RAD50: variants seen among roughly 807,000 people sequenced by gnomAD.
RAD50 encodes the protein RAD50 double strand break repair protein.
RAD50 carries 132 observed loss-of-function variants against 168.8 expected under a neutral mutation model. The ratio of observed to expected loss-of-function variants is 0.78; its 90% confidence interval spans 0.68 to 0.90. RAD50 has a LOEUF of 0.90. RAD50 is among the 40% of genes least tolerant of loss of function. RAD50 has a pLI of 0.00. For missense variants in RAD50, 1,347 were observed against 1,534.4 expected, an observed-to-expected ratio of 0.88 and a Z score of 2.04; for synonymous variants, 525 against 497.4, an observed-to-expected ratio of 1.06 and a Z score of -0.74.
In RAD50 at chr5:132,643,970, AAAT is replaced by A. The variant is rs760431973; in HGVS notation, c.*1611_*1613del. The A allele has an allele frequency of 1.8e-4, 41 of 227,784 alleles. No homozygotes were observed. The highest frequency in any genetic ancestry group is 1.7e-3 in the East Asian group (27 of 15,826). 14.1% of individuals were successfully genotyped at this position (227,784 alleles called of 1,614,324 possible). A position where few individuals can be genotyped will look rare whatever the true frequency, so the allele number is the denominator to read the frequency against. On this transcript the variant is annotated 3_prime_UTR_variant, in exon 25 of 25. Transcript: ENST00000378823. Reference sequence around the variant, plus strand: ...AGCTTTAGCAAACTCACAGTTTTGCAAATAATATTTTCTTAATGTTATCTGTTG... The same window carrying A: ...AGCTTTAGCAAACTCACAGTTTTGCAAATATTTTCTTAATGTTATCTGTTG...
At chr5:132,631,105 CGA>C (rs1450573387) in intron 21 of RAD50, among the ~76,000 whole-genome samples, 1 of 149,832 alleles carries the variant, frequency 6.7e-6, no homozygotes, top group Non-Finnish European at 1.5e-5. Context: ...TTCTGAGCTC[CGA>C]GAGAGTCTCA....
Position 132,642,939 on chromosome 5 carries a change from A to T in RAD50, c.*575A>T. On this transcript the variant is annotated 3_prime_UTR_variant, in exon 25 of 25. Coordinates refer to ENST00000378823, the MANE Select transcript of RAD50 (RefSeq NM_005732.4). ...TAGTTGAATGGGGTCTCAAAGTTTG[A>T]CAGGAACCTTAAGTAATCATCTAAG... 2.1e-6 allele frequency: 1 copy of T among 473,738 alleles called. No homozygotes were observed. 29.3% of individuals were successfully genotyped at this position (473,738 alleles called of 1,614,324 possible). A position where few individuals can be genotyped will look rare whatever the true frequency, so the allele number is the denominator to read the frequency against.
chr5:132,600,573 G>C (rs774931838), intron 13 of RAD50, among the ~76,000 whole-genome samples: 1 of 152,088 alleles, frequency 6.6e-6, no homozygotes, highest in African/African-American at 2.4e-5. Context: ...CATCATGACT[G>C]AGATCTCAGC....
intron 12 of RAD50, 122 bp downstream of exon 12, chr5:132,595,166 T>A (rs1022355516): frequency 1.9e-6 from 2 of 1,064,592 alleles, no homozygotes; most frequent in Non-Finnish European, 1.4e-6. Context: ...TGGATTTCAG[T>A]CCTGGCTCTA....
chr5:132,607,783 T>C (rs1751011620), intron 16 of RAD50, among the ~76,000 whole-genome samples: 1 of 152,186 alleles, frequency 6.6e-6, no homozygotes, highest in African/African-American at 2.4e-5. Flanking sequence ...CTTTTGACAC[T>C]GAGGGCATTT....
Position 132,557,250 on chromosome 5 carries a change from T to C in RAD50, c.-75T>C. On this transcript the variant is annotated 5_prime_UTR_variant, in exon 1 of 25. Transcript: ENST00000378823. Reference sequence around the variant, plus strand: ...TGAGATTCGCGGGTCTCACGTCCCGTGCACGCCTTGCTTCGGCCTCAGTTA... The same window carrying C: ...TGAGATTCGCGGGTCTCACGTCCCGCGCACGCCTTGCTTCGGCCTCAGTTA... 1.3e-6 allele frequency: 2 copies of C among 1,571,550 alleles called. No individual in the cohort carries two copies. Among genetic ancestry groups the C allele is most frequent in the Non-Finnish European group, 1.8e-6 (2 of 1,141,464 alleles).
intron 5 of RAD50, among the ~76,000 whole-genome samples, 175 bp from the exon 6 acceptor site, chr5:132,587,387 G>A (rs906945556): frequency 6.6e-6 from 1 of 152,182 alleles, no homozygotes; most frequent in African/African-American, 2.4e-5. Flanking sequence ...CTTGGGCCAA[G>A]TTACTTAATG....
chr5:132,566,411 C>G (rs575218085), intron 2 of RAD50, among the ~76,000 whole-genome samples: 15 of 152,340 alleles, frequency 9.8e-5, no homozygotes, highest in South Asian at 8.3e-4. Context: ...GCAGAATGCT[C>G]TCCTTATGAT....
At chr5:132,628,034 T>A (rs1473243518) in intron 21 of RAD50, among the ~76,000 whole-genome samples, 4 of 152,122 alleles carry the variant, frequency 2.6e-5, no homozygotes, top group Non-Finnish European at 5.9e-5. Context: ...AACAACAGGA[T>A]ATTGGGAGAA....
At chr5:132,605,836 C>G (rs1477401344) in intron 16 of RAD50, among the ~76,000 whole-genome samples, 3 of 152,070 alleles carry the variant, frequency 2.0e-5, no homozygotes, top group African/African-American at 7.2e-5. Flanking sequence ...CACTCAAAAC[C>G]GCACAACTAC....
intron 13 of RAD50, among the ~76,000 whole-genome samples, chr5:132,601,789 A>G (rs146552912): frequency 6.9e-4 from 105 of 152,314 alleles, no homozygotes; most frequent in African/African-American, 2.4e-3. Context: ...TGGAGTAACT[A>G]TGCAGCCATA....
Position 132,604,056 on chromosome 5 carries a change from T to G in RAD50, c.2524+10T>G. 6.2e-7 allele frequency: 1 copy of G among 1,612,892 alleles called. No individual in the cohort carries two copies. Among genetic ancestry groups the G allele is most frequent in the Non-Finnish European group, 8.5e-7 (1 of 1,179,188 alleles). ...CACAAGTTAGACACAGGTAATACAG[T>G]CTGTGTCCTTCTGTACTCATAGAGA... On this transcript the variant is annotated intron_variant, in intron 15 of 24. Transcript: ENST00000378823.
intron 21 of RAD50, among the ~76,000 whole-genome samples, chr5:132,626,449 G>A (rs1436443532): frequency 2.6e-5 from 4 of 152,126 alleles, no homozygotes; most frequent in Admixed American, 6.5e-5. Flanking sequence ...CTGAGTTTCC[G>A]TTTCCTCATC....
chr5:132,640,850 T>C, intron 24 of RAD50, 45 bp downstream of exon 24: 2 of 1,612,312 alleles, frequency 1.2e-6, no homozygotes, highest in South Asian at 2.2e-5. Context: ...GTATCTCACA[T>C]TTGGGGACAG....
At chr5:132,560,858 T>C (rs1750113823) in intron 2 of RAD50, among the ~76,000 whole-genome samples, 3 of 152,210 alleles carry the variant, frequency 2.0e-5, no homozygotes, top group African/African-American at 7.2e-5. Context: ...CCTCTAGCCA[T>C]TACCTTTTCT....
At chr5:132,603,037 TCTC>T (rs1750915560) in intron 13 of RAD50, among the ~76,000 whole-genome samples, 1 of 152,178 alleles carries the variant, frequency 6.6e-6, no homozygotes, top group African/African-American at 2.4e-5. Context: ...TCAACATTTC[TCTC>T]CTAAGATACT....
In RAD50 at chr5:132,643,856, TG is replaced by T. The variant is rs1751794722; in HGVS notation, c.*1493del. ...AGATTTCAGAAAATGAAAAATCTGT[TG>T]ATAAATCCATCACTATAATAAAACC... On this transcript the variant is annotated 3_prime_UTR_variant, in exon 25 of 25. Coordinates refer to ENST00000378823, the MANE Select transcript of RAD50 (RefSeq NM_005732.4). 4.3e-6 allele frequency: 1 copy of T among 231,772 alleles called. No individual in the cohort carries two copies. The highest frequency in any genetic ancestry group is 2.2e-5 in the African/African-American group (1 of 45,258). 14.4% of individuals were successfully genotyped at this position (231,772 alleles called of 1,614,324 possible). A position where few individuals can be genotyped will look rare whatever the true frequency, so the allele number is the denominator to read the frequency against.
chr5:132,638,381 C>G, intron 23 of RAD50, 158 bp downstream of exon 23: 1 of 836,126 alleles, frequency 1.2e-6, no homozygotes, highest in East Asian at 2.7e-5. Context: ...TTATTACACT[C>G]TCCTGAAGCT....
chr5:132,623,571 C>T (rs925982354), intron 21 of RAD50, among the ~76,000 whole-genome samples: 27 of 152,066 alleles, frequency 1.8e-4, no homozygotes, highest in African/African-American at 5.6e-4. Context: ...CTTCTATCTT[C>T]GTTTCTATTA....
Sources: gnomAD v4.1 joint callset for allele counts (sites outside exome capture counted in the v4.1 genomes callset) on GRCh38, gnomAD v4.1.1 for gene constraint, MANE v1.5 for transcripts, NCBI Gene and HGNC (gene_info 2026-07-23, HGNC 2026-07-21) for gene names.